Variants in PHF2 observed in about 807,000 individuals in gnomAD.
PHF2 encodes lysine-specific demethylase PHF2.
In PHF2, 27 loss-of-function variants were observed where a neutral mutation model predicts 120.5. The ratio of observed to expected loss-of-function variants is 0.22; its 90% CI spans 0.17 to 0.31. The LOEUF is 0.31. Among genes scored for constraint, PHF2 ranks in the 10% least tolerant of loss-of-function variants. The pLI is 1.00. For missense variants in PHF2, 1,024 were observed against 1,434.8 expected (o/e 0.71, Z 4.63); for synonymous variants, 568 against 592.5 (o/e 0.96, Z 0.60).
intron 4 of PHF2, among the ~76,000 whole-genome samples, chr9:93,646,674 A>G (rs557199000): frequency 3.9e-5 from 6 of 152,276 alleles, no homozygotes; most frequent in African/African-American, 1.4e-4. Flanking sequence ...CTCTGGGCAC[A>G]TAGGGGCACC....
chr9:93,668,097 A>G (rs1412256293), intron 17 of PHF2, among the ~76,000 whole-genome samples: 4 of 152,198 alleles, frequency 2.6e-5, no homozygotes, highest in Admixed American at 6.5e-5. Flanking sequence ...TGCTAAATCA[A>G]TTGGCCGTAC....
Position 93,635,890 on chromosome 9 carries a change from C to T in PHF2, c.185-521C>T, listed in dbSNP as rs184702965. Among the ~76,000 whole-genome samples the T allele has an allele frequency of 2.8e-3, 433 of 152,136 alleles. 1 individual carries two copies. The highest frequency in any genetic ancestry group is 4.6e-3 in the Non-Finnish European group (312 of 67,984). On this transcript the variant is annotated intron_variant, in intron 2 of 21. Transcript: ENST00000359246. ...GGTCAGGGGAGGGCTGGAGTGTGGC[C>T]AGCACAGAGGAGTGGGGATGTGCAC...
chr9:93,600,732 C>T (rs558108854), intron 1 of PHF2, among the ~76,000 whole-genome samples: 5 of 152,288 alleles, frequency 3.3e-5, no homozygotes, highest in East Asian at 3.9e-4. Context: ...GAGGGGAGCT[C>T]GGCCCAAGCA....
At chr9:93,641,831 G>C (rs994709890) in intron 3 of PHF2, among the ~76,000 whole-genome samples, 3 of 152,124 alleles carry the variant, frequency 2.0e-5, no homozygotes, top group African/African-American at 2.4e-5. Flanking sequence ...TGTGCTTTTG[G>C]TATCACTGCT....
intron 1 of PHF2, among the ~76,000 whole-genome samples, chr9:93,590,614 A>G (rs185008057): frequency 3.3e-5 from 5 of 152,260 alleles, no homozygotes; most frequent in Non-Finnish European, 5.9e-5. Context: ...ATTTACAGAA[A>G]AGTTGTAAAC....
chr9:93,586,746 G>T (rs1863052597), intron 1 of PHF2, among the ~76,000 whole-genome samples: 1 of 152,258 alleles, frequency 6.6e-6, no homozygotes, highest in Non-Finnish European at 1.5e-5. Flanking sequence ...TGTCCATCTA[G>T]CTGGTGACGT....
intron 1 of PHF2, among the ~76,000 whole-genome samples, chr9:93,617,251 G>A (rs185117938): frequency 2.6e-5 from 4 of 152,308 alleles, no homozygotes; most frequent in African/African-American, 9.6e-5. Context: ...GCCTGCAGCA[G>A]GGCCGCAGCT....
chr9:93,577,177 C>A (rs1274197523), intron 1 of PHF2, among the ~76,000 whole-genome samples: 1 of 150,274 alleles, frequency 6.7e-6, no homozygotes, highest in Non-Finnish European at 1.5e-5. Context: ...GGCTCCAGGC[C>A]CGGGCCGGGC....
chr9:93,663,266 A>G (rs1308191934), intron 13 of PHF2, among the ~76,000 whole-genome samples: 1 of 152,112 alleles, frequency 6.6e-6, no homozygotes, highest in Non-Finnish European at 1.5e-5. Flanking sequence ...CTGTATGTTG[A>G]CAGTGTTTCC....
chr9:93,641,001 G>A (rs1826164063), intron 3 of PHF2, among the ~76,000 whole-genome samples: 3 of 152,186 alleles, frequency 2.0e-5, no homozygotes, highest in South Asian at 4.1e-4. Context: ...AGCTCTCTCA[G>A]TTATAGTCAG....
intron 18 of PHF2, among the ~76,000 whole-genome samples, chr9:93,674,608 A>G (rs1236653732): frequency 6.6e-6 from 1 of 152,094 alleles, no homozygotes; most frequent in Admixed American, 6.5e-5. Flanking sequence ...AGATGTACGG[A>G]GGGCAGCCCT....
intron 5 of PHF2, among the ~76,000 whole-genome samples, chr9:93,652,075 G>A (rs117658028): frequency 2.6e-5 from 4 of 152,332 alleles, no homozygotes; most frequent in Admixed American, 6.5e-5. Context: ...TGAGGCTAGT[G>A]GGATTGGGGC....
rs763005652 is a variant in PHF2, at chr9:93,660,380, CAAGCCCCCG to C, written c.1527_1535del (p.Lys513_Pro515del). ...AGATGCCCAAGCCATCCAAAATCCC[CAAGCCCCCG>C]AAGCCCCCTAAGCCCCCAAGGCCCC... On this transcript the variant is annotated inframe_deletion, in exon 12 of 22. Coordinates refer to ENST00000359246, the MANE Select transcript of PHF2 (RefSeq NM_005392.4). The C allele has an allele frequency of 2.6e-6, 4 of 1,545,392 alleles. No homozygotes were observed. Among genetic ancestry groups the C allele is most frequent in the East Asian group, 2.4e-5 (1 of 41,300 alleles).
intron 13 of PHF2, 75 bp downstream of exon 13, chr9:93,663,101 C>G: frequency 6.3e-7 from 1 of 1,581,752 alleles, no homozygotes; most frequent in Non-Finnish European, 8.6e-7. Context: ...ATCTGTGAGG[C>G]CCTGTGTGTG....
chr9:93,594,218 A>G (rs1187422321), intron 1 of PHF2, among the ~76,000 whole-genome samples: 1 of 136,406 alleles, frequency 7.3e-6, no homozygotes, highest in Non-Finnish European at 1.5e-5. Flanking sequence ...CACAATGCAC[A>G]TTAGCTTAGT....
chr9:93,627,839 T>C (rs753941063), intron 1 of PHF2, among the ~76,000 whole-genome samples: 1 of 152,098 alleles, frequency 6.6e-6, no homozygotes, highest in African/African-American at 2.4e-5. Context: ...TTGGGAGAGA[T>C]GGGAACATAA....
intron 17 of PHF2, among the ~76,000 whole-genome samples, chr9:93,670,209 G>C (rs1420364178): frequency 6.6e-6 from 1 of 152,242 alleles, no homozygotes; most frequent in African/African-American, 2.4e-5. Context: ...GGCACCCCGT[G>C]TGCCCCAAGT....
At chr9:93,584,052 T>C (rs1220857991) in intron 1 of PHF2, among the ~76,000 whole-genome samples, 2 of 152,312 alleles carry the variant, frequency 1.3e-5, no homozygotes, top group Non-Finnish European at 2.9e-5. Context: ...GGTCTCGAAC[T>C]CTCGACCTCA....
At chr9:93,658,304 C>T in intron 10 of PHF2, 68 bp downstream of exon 10, 1 of 1,177,022 alleles carries the variant, frequency 8.5e-7, no homozygotes, top group Non-Finnish European at 1.2e-6. Context: ...TCCCTGGAGA[C>T]CCAGCAGCAA....
Sources: gnomAD v4.1 joint callset for allele counts (sites outside exome capture counted in the v4.1 genomes callset) on GRCh38, gnomAD v4.1.1 for gene constraint, MANE v1.5 for transcripts, NCBI Gene and HGNC (gene_info 2026-07-23, HGNC 2026-07-21) for gene names.